Variants in NRP1 observed in about 807,000 individuals in gnomAD.
NRP1 encodes neuropilin-1.
A neutral mutation model predicts 106.7 loss-of-function variants in NRP1; 35 were observed. That is an observed-to-expected ratio of 0.33 (90% confidence interval 0.25 to 0.43). The LOEUF is 0.43. Ranked by LOEUF, NRP1 falls within the 20% of genes least tolerant of loss-of-function variation. The pLI, the probability that NRP1 is intolerant of heterozygous loss-of-function variation, is 1.00. For synonymous variants in NRP1, 437 were observed against 417.9 expected (o/e 1.05, Z -0.56); for missense variants, 1,024 against 1,170.4 (o/e 0.87, Z 1.83).
At chr10:33,278,075 G>A (rs1041794583) in intron 2 of NRP1, among the ~76,000 whole-genome samples, 1 of 152,022 alleles carries the variant, frequency 6.6e-6, no homozygotes, top group African/African-American at 2.4e-5. Flanking sequence ...TCTATACTTT[G>A]CGATGTGTTT....
intron 2 of NRP1, among the ~76,000 whole-genome samples, chr10:33,305,003 T>C (rs2065365): frequency 0.043 from 6,490 of 152,340 alleles, 493 homozygotes; most frequent in African/African-American, 0.15. Flanking sequence ...CTGTAGAGCA[T>C]TGTGCTCCAT....
chr10:33,314,255 T>A (rs1846849550), intron 2 of NRP1, among the ~76,000 whole-genome samples: 2 of 152,086 alleles, frequency 1.3e-5, no homozygotes, highest in African/African-American at 4.8e-5. Context: ...CTTGGCTAAT[T>A]TTTTAAAAGT....
chr10:33,210,927 G>C (rs1369253240), intron 9 of NRP1, among the ~76,000 whole-genome samples: 1 of 152,170 alleles, frequency 6.6e-6, no homozygotes, highest in African/African-American at 2.4e-5. Flanking sequence ...TTTCGTCTTA[G>C]AGATTTTATT....
intron 4 of NRP1, among the ~76,000 whole-genome samples, chr10:33,263,004 G>A (rs1842677664): frequency 6.6e-6 from 1 of 152,148 alleles, no homozygotes; most frequent in African/African-American, 2.4e-5. Context: ...AGATGCTCAG[G>A]AAATATTTTT....
intron 2 of NRP1, among the ~76,000 whole-genome samples, chr10:33,327,375 T>A (rs1847963054): frequency 6.6e-6 from 1 of 152,112 alleles, no homozygotes. Flanking sequence ...TAGCAAATGT[T>A]TTTTACTGCC....
At chr10:33,223,345 G>C (rs1383319427) in intron 7 of NRP1, among the ~76,000 whole-genome samples, 1 of 152,190 alleles carries the variant, frequency 6.6e-6, no homozygotes, top group Non-Finnish European at 1.5e-5. Flanking sequence ...TTGTGGCTGG[G>C]TGTGGTGGCT....
At chr10:33,312,628 T>C (rs1020407391) in intron 2 of NRP1, among the ~76,000 whole-genome samples, 2 of 152,256 alleles carry the variant, frequency 1.3e-5, no homozygotes, top group African/African-American at 4.8e-5. Context: ...TTATCTCCTG[T>C]TGATAGACCA....
At chr10:33,253,470 T>C (rs1012600172) in intron 6 of NRP1, among the ~76,000 whole-genome samples, 2 of 152,180 alleles carry the variant, frequency 1.3e-5, no homozygotes, top group African/African-American at 2.4e-5. Flanking sequence ...ATCTCGTCAA[T>C]GGAGAGTGCC....
chr10:33,220,397 C>T (rs1839135299), intron 8 of NRP1, among the ~76,000 whole-genome samples: 2 of 152,136 alleles, frequency 1.3e-5, no homozygotes, highest in Admixed American at 6.5e-5. Context: ...GACTTTTAGA[C>T]ATTGCTTGCT....
chr10:33,300,108 C>G (rs979116745), intron 2 of NRP1, among the ~76,000 whole-genome samples: 4 of 152,192 alleles, frequency 2.6e-5, no homozygotes, highest in Admixed American at 2.6e-4. Flanking sequence ...ACAACCTGCT[C>G]CTTCTCTTTT....
At chr10:33,313,856 T>C (rs1846797689) in intron 2 of NRP1, among the ~76,000 whole-genome samples, 1 of 152,176 alleles carries the variant, frequency 6.6e-6, no homozygotes, top group Non-Finnish European at 1.5e-5. Context: ...GAGAAGCTTC[T>C]GCCTCTGCCC....
At chr10:33,269,352 G>A (rs1006661059) in intron 3 of NRP1, among the ~76,000 whole-genome samples, 3 of 152,138 alleles carry the variant, frequency 2.0e-5, no homozygotes, top group African/African-American at 7.2e-5. Context: ...GAGTGCAGCG[G>A]CACGATCAAG....
intron 2 of NRP1, among the ~76,000 whole-genome samples, chr10:33,287,937 A>G (rs1844698982): frequency 6.6e-6 from 1 of 152,164 alleles, no homozygotes; most frequent in Non-Finnish European, 1.5e-5. Flanking sequence ...CCCATTCACA[A>G]CGTCAGAGCT....
intron 2 of NRP1, among the ~76,000 whole-genome samples, chr10:33,275,733 CCTT>C (rs953894368): frequency 2.7e-5 from 3 of 110,972 alleles, no homozygotes; most frequent in African/African-American, 9.3e-5. Context: ...ACCCCCAACA[CCTT>C]CTCTACAATT....
chr10:33,256,834 T>G (rs1237752062), intron 4 of NRP1, among the ~76,000 whole-genome samples: 1 of 152,142 alleles, frequency 6.6e-6, no homozygotes, highest in Non-Finnish European at 1.5e-5. Flanking sequence ...GCCAAAAGAT[T>G]CCTGCTAAGC....
intron 2 of NRP1, among the ~76,000 whole-genome samples, chr10:33,323,166 G>A (rs1044117186): frequency 2.6e-5 from 4 of 152,100 alleles, no homozygotes; most frequent in South Asian, 2.1e-4. Context: ...TCAGGAGTTC[G>A]AGACCAGCCT....
At chr10:33,273,461 CCCTA>C (rs1297063903) in intron 2 of NRP1, among the ~76,000 whole-genome samples, 1 of 152,220 alleles carries the variant, frequency 6.6e-6, no homozygotes, top group East Asian at 1.9e-4. Context: ...CAGCATCCCT[CCCTA>C]GAGACTAAAC....
At chr10:33,304,046 C>A (rs1449991510) in intron 2 of NRP1, among the ~76,000 whole-genome samples, 2 of 152,126 alleles carry the variant, frequency 1.3e-5, no homozygotes, top group African/African-American at 4.8e-5. Context: ...GGGATTCAAC[C>A]AAATCACATG....
intron 11 of NRP1, chr10:33,202,280 G>A (rs1837379136): frequency 6.0e-6 from 1 of 166,418 alleles, no homozygotes; most frequent in Admixed American, 6.1e-5. Flanking sequence ...TAGGGTTTTA[G>A]GAGATTAGAG....
Sources: gnomAD v4.1 joint callset for allele counts (sites outside exome capture counted in the v4.1 genomes callset) on GRCh38, gnomAD v4.1.1 for gene constraint, MANE v1.5 for transcripts, NCBI Gene and HGNC (gene_info 2026-07-23, HGNC 2026-07-21) for gene names.